ABLIM1: variants seen among roughly 807,000 people sequenced by gnomAD.
ABLIM1 encodes actin-binding LIM protein 1.
A neutral mutation model predicts 107.0 loss-of-function variants in ABLIM1; 40 were observed. The ratio of observed to expected loss-of-function variants is 0.37; its 90% CI spans 0.29 to 0.49. The LOEUF (loss-of-function observed/expected upper bound fraction) is 0.49, where lower values mean the gene tolerates loss of function less well. ABLIM1 is among the 20% of genes least tolerant of loss of function. The probability of loss-of-function intolerance (pLI) is 0.97; values close to 1 mark genes in which losing one functional copy is unlikely to be tolerated. For synonymous variants in ABLIM1, 357 were observed against 357.3 expected, an observed-to-expected ratio of 1.00 and a Z score of 0.01; for missense variants, 857 against 1,008.5, an observed-to-expected ratio of 0.85 and a Z score of 2.04.
intron 1 of ABLIM1, among the ~76,000 whole-genome samples, chr10:114,757,061 T>C (rs1218139194): frequency 6.6e-6 from 1 of 152,248 alleles, no homozygotes; most frequent in Non-Finnish European, 1.5e-5. Context: ...ACAATGATAA[T>C]GTTGATAAAT....
chr10:114,743,379 T>A (rs751934632), intron 1 of ABLIM1, among the ~76,000 whole-genome samples: 1 of 152,150 alleles, frequency 6.6e-6, no homozygotes, highest in African/African-American at 2.4e-5. Context: ...ACATTAAAGG[T>A]CACTAGTAGA....
intron 8 of ABLIM1, chr10:114,485,372 G>A (rs752230304): frequency 6.2e-7 from 1 of 1,611,942 alleles, no homozygotes; most frequent in Admixed American, 1.7e-5. Context: ...AACGCCGAAT[G>A]TTTGGCAGCT....
chr10:114,653,775 T>C (rs895194640), intron 1 of ABLIM1, among the ~76,000 whole-genome samples: 1 of 152,234 alleles, frequency 6.6e-6, no homozygotes, highest in African/African-American at 2.4e-5. Context: ...CCCACTGATA[T>C]ATTTTTGCGG....
At chr10:114,661,928 G>T (rs11196844), upstream of ABLIM1, among the ~76,000 whole-genome samples, 29,956 of 152,058 alleles carry the variant, frequency 0.2, 3,019 homozygotes, top group Middle Eastern at 0.26. Context: ...CAGGTGTTTT[G>T]GGGCTACACA....
intron 6 of ABLIM1, among the ~76,000 whole-genome samples, chr10:114,515,893 C>T (rs948579505): frequency 6.6e-6 from 1 of 152,226 alleles, no homozygotes; most frequent in Non-Finnish European, 1.5e-5. Context: ...TCTTCCTCTA[C>T]CGGCTCAGAG....
intron 12 of ABLIM1, among the ~76,000 whole-genome samples, chr10:114,457,854 T>A (rs1175679406): frequency 1.3e-5 from 2 of 152,190 alleles, no homozygotes; most frequent in African/African-American, 4.8e-5. Flanking sequence ...GGTGAATTAT[T>A]TGAGGTCAGG....
At chr10:114,490,296 T>C (rs969746126) in intron 7 of ABLIM1, among the ~76,000 whole-genome samples, 8 of 152,210 alleles carry the variant, frequency 5.3e-5, no homozygotes, top group African/African-American at 1.9e-4. Context: ...ATCACAGTTT[T>C]TCAGAGTGAT....
chr10:114,449,397 G>A (rs1363881184), intron 14 of ABLIM1, among the ~76,000 whole-genome samples: 1 of 152,136 alleles, frequency 6.6e-6, no homozygotes, highest in Non-Finnish European at 1.5e-5. Context: ...AACCTTCTGG[G>A]TCTCAATTTG....
chr10:114,735,962 C>G (rs2082170219), intron 1 of ABLIM1, among the ~76,000 whole-genome samples: 1 of 152,182 alleles, frequency 6.6e-6, no homozygotes, highest in African/African-American at 2.4e-5. Flanking sequence ...CTGTATTATT[C>G]TCAAAATATC....
intron 6 of ABLIM1, among the ~76,000 whole-genome samples, chr10:114,499,923 C>T (rs1158709302): frequency 6.6e-6 from 1 of 152,216 alleles, no homozygotes; most frequent in African/African-American, 2.4e-5. Context: ...CTGGCTTGAT[C>T]TCTAAGCTAA....
intron 8 of ABLIM1, among the ~76,000 whole-genome samples, chr10:114,482,323 T>C (rs1029230668): frequency 6.6e-6 from 1 of 152,188 alleles, no homozygotes; most frequent in Non-Finnish European, 1.5e-5. Context: ...ATTCTCAATA[T>C]AGATAACAAA....
chr10:114,699,934 A>G (rs2081274619), intron 1 of ABLIM1, among the ~76,000 whole-genome samples: 1 of 152,168 alleles, frequency 6.6e-6, no homozygotes, highest in African/African-American at 2.4e-5. Flanking sequence ...AATCCATGAG[A>G]GAATTAAGCA....
upstream of ABLIM1, among the ~76,000 whole-genome samples, chr10:114,771,492 T>C (rs544834518): frequency 1.6e-4 from 25 of 152,364 alleles, no homozygotes; most frequent in Non-Finnish European, 2.9e-4. Context: ...TTAAAATATA[T>C]GTGATTTTCT....
At chr10:114,615,179 T>C (rs574628357) in intron 1 of ABLIM1, among the ~76,000 whole-genome samples, 6 of 152,322 alleles carry the variant, frequency 3.9e-5, no homozygotes, top group Non-Finnish European at 7.4e-5. Flanking sequence ...AAGTGCATAA[T>C]ATAAACAGAT....
Position 114,606,480 on chromosome 10 carries a change from C to T in ABLIM1, c.245-4519G>A, listed in dbSNP as rs181158283. On this transcript the variant is annotated intron_variant, in intron 1 of 22. Transcript: ENST00000533213. ...TGATCTCTTGACCTTGTGATCCGCC[C>T]GCCGTGGCCTCCCAAAGTGCTGAGA... Among the ~76,000 whole-genome samples the T allele has an allele frequency of 6.8e-4, 104 of 152,240 alleles. No homozygotes were observed. In the Middle Eastern group the frequency reaches 0.02, roughly 30 times the overall value.
chr10:114,613,797 C>T (rs1591591962), intron 1 of ABLIM1: 2 of 1,240,906 alleles, frequency 1.6e-6, no homozygotes, highest in East Asian at 5.7e-5. Flanking sequence ...CTCCTGACTC[C>T]TCCCAGACCT....
chr10:114,447,522 G>T (rs1360139815), intron 15 of ABLIM1, among the ~76,000 whole-genome samples: 1 of 152,170 alleles, frequency 6.6e-6, no homozygotes, highest in Non-Finnish European at 1.5e-5. Context: ...TCACCCACTA[G>T]ACTCTAATTA....
At chr10:114,613,704 G>T (rs1235712577) in intron 1 of ABLIM1, 2 of 1,321,844 alleles carry the variant, frequency 1.5e-6, no homozygotes, top group African/African-American at 3.0e-5. Flanking sequence ...GAAAGCATGA[G>T]ACCTGTGTTC....
At chr10:114,466,324 A>T (rs932607613) in intron 11 of ABLIM1, among the ~76,000 whole-genome samples, 24 of 152,058 alleles carry the variant, frequency 1.6e-4, no homozygotes, top group Non-Finnish European at 2.2e-4. Flanking sequence ...AAAAAAAAAA[A>T]TTTTAAGGAT....
Sources: allele counts gnomAD v4.1 joint callset (sites outside exome capture counted in the v4.1 genomes callset), GRCh38; gene constraint gnomAD v4.1.1; transcripts MANE v1.5; gene names NCBI Gene and HGNC (gene_info 2026-07-23, HGNC 2026-07-21).